UPP2: variants seen among roughly 807,000 people sequenced by gnomAD.
The protein encoded by UPP2 is uridine phosphorylase 2.
Under a neutral mutation model 26.7 loss-of-function variants are expected in UPP2, and 23 were observed. That is an observed-to-expected ratio of 0.86 (90% confidence interval 0.62 to 1.22). UPP2 has a LOEUF of 1.22. UPP2 is among the 50% of genes most tolerant of loss of function. The pLI is 0.00. For missense variants in UPP2, 387 were observed against 396.7 expected, an observed-to-expected ratio of 0.98 and a Z score of 0.21; for synonymous variants, 127 against 141.3, an observed-to-expected ratio of 0.90 and a Z score of 0.72.
intron 6 of UPP2, among the ~76,000 whole-genome samples, chr2:158,128,779 AT>A (rs1558942122): frequency 6.6e-6 from 1 of 152,122 alleles, no homozygotes; most frequent in Non-Finnish European, 1.5e-5. Flanking sequence ...AGATTTTTCC[AT>A]TTTAAGTGTG....
At chr2:158,021,309 G>A (rs1285293639) in intron 3 of UPP2, among the ~76,000 whole-genome samples, 1 of 152,186 alleles carries the variant, frequency 6.6e-6, no homozygotes, top group African/African-American at 2.4e-5. Flanking sequence ...TAAACACCAA[G>A]CCAGTCTAAG....
intron 3 of UPP2, among the ~76,000 whole-genome samples, chr2:158,064,945 T>C (rs1438538460): frequency 6.6e-6 from 1 of 152,194 alleles, no homozygotes; most frequent in Non-Finnish European, 1.5e-5. Flanking sequence ...CATTGGTCTA[T>C]ATATCTGTTT....
At chr2:158,068,775 T>TAC (rs1198865570) in intron 3 of UPP2, among the ~76,000 whole-genome samples, 2 of 6,078 alleles carry the variant, frequency 3.3e-4, no homozygotes, top group Non-Finnish European at 7.3e-4. Context: ...AATATATATA[T>TAC]ATATATATAT....
At chr2:158,031,389 A>C (rs1371220870) in intron 3 of UPP2, among the ~76,000 whole-genome samples, 1 of 152,226 alleles carries the variant, frequency 6.6e-6, no homozygotes, top group Non-Finnish European at 1.5e-5. Flanking sequence ...AGGGACTTGG[A>C]GAAAAGGAAA....
At chr2:158,076,295 T>C (rs1364572575) in intron 3 of UPP2, among the ~76,000 whole-genome samples, 1 of 151,650 alleles carries the variant, frequency 6.6e-6, no homozygotes, top group African/African-American at 2.4e-5. Context: ...AATAAAAGAG[T>C]AGAGAATACT....
intron 3 of UPP2, among the ~76,000 whole-genome samples, chr2:158,054,283 TAAAA>T (rs1182218929): frequency 6.6e-6 from 1 of 150,544 alleles, no homozygotes; most frequent in Non-Finnish European, 1.5e-5. Flanking sequence ...AATGAATAAA[TAAAA>T]AGAAAGAAAC....
At chr2:158,061,737 G>C (rs1031978025) in intron 3 of UPP2, among the ~76,000 whole-genome samples, 2 of 152,214 alleles carry the variant, frequency 1.3e-5, no homozygotes, top group African/African-American at 4.8e-5. Flanking sequence ...CTCTCTTCCT[G>C]CTCCTTCCCA....
At chr2:158,032,732 A>T (rs1310337995) in intron 3 of UPP2, among the ~76,000 whole-genome samples, 1 of 152,198 alleles carries the variant, frequency 6.6e-6, no homozygotes, top group African/African-American at 2.4e-5. Context: ...TCATAAAATT[A>T]GAGAGCACTA....
At chr2:158,090,607 T>A (rs900858775) in intron 3 of UPP2, among the ~76,000 whole-genome samples, 1 of 152,144 alleles carries the variant, frequency 6.6e-6, no homozygotes, top group African/African-American at 2.4e-5. Context: ...TTTAAAAAAA[T>A]TTTCATTTCT....
At chr2:158,095,516 C>T (rs1682971674) in intron 3 of UPP2, among the ~76,000 whole-genome samples, 1 of 152,118 alleles carries the variant, frequency 6.6e-6, no homozygotes. Flanking sequence ...CCACCATGTA[C>T]CAGAAGCAGA....
intron 6 of UPP2, among the ~76,000 whole-genome samples, chr2:158,131,199 G>GA (rs1397937727): frequency 7.9e-5 from 12 of 152,322 alleles, no homozygotes; most frequent in African/African-American, 2.6e-4. Flanking sequence ...AGAGGTAGAA[G>GA]AAAGGCCAGG....
chr2:158,131,608 C>T (rs964279753), intron 6 of UPP2, among the ~76,000 whole-genome samples: 11 of 152,206 alleles, frequency 7.2e-5, no homozygotes, highest in Non-Finnish European at 1.5e-4. Flanking sequence ...TGCATCCAAG[C>T]TCCATGTTCA....
chr2:158,068,369 G>T (rs1009752775), intron 3 of UPP2, among the ~76,000 whole-genome samples: 2 of 152,082 alleles, frequency 1.3e-5, no homozygotes, highest in African/African-American at 4.8e-5. Flanking sequence ...GTAAGCATTT[G>T]GTTATTTTCT....
At chr2:158,028,591 T>G (rs1312467749) in intron 3 of UPP2, among the ~76,000 whole-genome samples, 2 of 152,176 alleles carry the variant, frequency 1.3e-5, no homozygotes, top group African/African-American at 4.8e-5. Context: ...GTTACCCAGT[T>G]CCAAAGTTGC....
chr2:158,032,930 T>A (rs1024007126), intron 3 of UPP2, among the ~76,000 whole-genome samples: 6 of 152,116 alleles, frequency 3.9e-5, no homozygotes, highest in Non-Finnish European at 7.4e-5. Context: ...CCTGACCTCT[T>A]TCATCTCTGC....
chr2:158,115,798 A>G (rs975606918), intron 3 of UPP2, among the ~76,000 whole-genome samples: 2 of 152,336 alleles, frequency 1.3e-5, no homozygotes, highest in Admixed American at 1.3e-4. Flanking sequence ...TTTAGGGAAG[A>G]TGCAGACCAT....
At chr2:158,061,969 C>A (rs188846146) in intron 3 of UPP2, among the ~76,000 whole-genome samples, 1 of 152,362 alleles carries the variant, frequency 6.6e-6, no homozygotes, top group East Asian at 1.9e-4. Context: ...TTGCATCCCT[C>A]AGACCAAAGC....
At chr2:158,102,486 A>G (rs946816764) in intron 1 of UPP2, among the ~76,000 whole-genome samples, 4 of 152,224 alleles carry the variant, frequency 2.6e-5, no homozygotes, top group Non-Finnish European at 5.9e-5. Context: ...ATGAGAAATA[A>G]TTAAAAGGGC....
At chr2:158,024,443 G>GC (rs1331245210) in intron 3 of UPP2, among the ~76,000 whole-genome samples, 4 of 152,240 alleles carry the variant, frequency 2.6e-5, no homozygotes, top group African/African-American at 7.2e-5. Flanking sequence ...TAGCAGTAGG[G>GC]CCCCAACGCC....
Sources: allele counts gnomAD v4.1 joint callset (sites outside exome capture counted in the v4.1 genomes callset), GRCh38; gene constraint gnomAD v4.1.1; transcripts MANE v1.5; gene names NCBI Gene and HGNC (gene_info 2026-07-23, HGNC 2026-07-21).